CRB2: variants seen among roughly 807,000 people sequenced by gnomAD.
The protein encoded by CRB2 is protein crumbs homolog 2.
A neutral mutation model predicts 110.9 loss-of-function variants in CRB2; 85 were observed. The observed-to-expected ratio is 0.77, with a 90% CI of 0.64 to 0.92. The LOEUF (loss-of-function observed/expected upper bound fraction) is 0.92. CRB2 is among the 40% of genes least tolerant of loss of function. CRB2 has a pLI of 0.00. For synonymous variants in CRB2, 907 were observed against 831.0 expected (o/e 1.09, Z -1.57); for missense variants, 1,843 against 1,851.3 (o/e 1.00, Z 0.08).
At chr9:123,374,770 G>C in intron 11 of CRB2, 75 bp downstream of exon 11, 1 of 1,053,356 alleles carries the variant, frequency 9.5e-7, no homozygotes, top group South Asian at 1.4e-5. Flanking sequence ...AGGGTGGGGC[G>C]GGGGTCCTCG....
At chr9:123,359,441 G>GTTTTTTGTTTTTTTTTTTTTTTTTTTT (rs2041838378) in intron 1 of CRB2, among the ~76,000 whole-genome samples, 1 of 94,442 alleles carries the variant, frequency 1.1e-5, no homozygotes, top group Admixed American at 1.1e-4. Flanking sequence ...TTTTTGTTTT[G>GTTTTTTGTTTTTTTTTTTTTTTTTTTT]TTTTTTTTTT....
chr9:123,379,164 G>C (rs2042161308), downstream of CRB2, among the ~76,000 whole-genome samples: 1 of 151,980 alleles, frequency 6.6e-6, no homozygotes, highest in African/African-American at 2.4e-5. Flanking sequence ...GGCATGGTCA[G>C]ATGATGGGCG....
At chr9:123,358,643 C>G (rs1232250096) in intron 1 of CRB2, among the ~76,000 whole-genome samples, 7 of 152,232 alleles carry the variant, frequency 4.6e-5, no homozygotes, top group Admixed American at 6.5e-5. Context: ...ATGAAGTCAG[C>G]TCTGATACCC....
intron 8 of CRB2, 33 bp downstream of exon 8, chr9:123,371,611 T>C: frequency 2.5e-6 from 4 of 1,607,264 alleles, no homozygotes; most frequent in Non-Finnish European, 3.4e-6. Context: ...GGTGGTGGGG[T>C]GGGGAGTCCT....
intron 1 of CRB2, among the ~76,000 whole-genome samples, chr9:123,362,460 G>C (rs1405922945): frequency 6.6e-6 from 1 of 152,174 alleles, no homozygotes; most frequent in African/African-American, 2.4e-5. Flanking sequence ...AAGTGGACAG[G>C]GCTGGGCAGG....
downstream of CRB2, among the ~76,000 whole-genome samples, chr9:123,379,116 C>T (rs979439232): frequency 5.3e-5 from 3 of 56,104 alleles, no homozygotes; most frequent in Non-Finnish European, 8.5e-5. Flanking sequence ...GCGTGCCTGT[C>T]GTTTTCAGCC....
intron 1 of CRB2, among the ~76,000 whole-genome samples, chr9:123,359,441 GTTTTTTTTTTT>G (rs375773781): frequency 1.1e-5 from 1 of 94,442 alleles, no homozygotes; most frequent in Non-Finnish European, 1.9e-5. Flanking sequence ...TTTTTGTTTT[GTTTTTTTTTTT>G]TTTTTTTTTT....
chr9:123,372,063 T>G, intron 8 of CRB2, 114 bp from the exon 9 acceptor site: 1 of 1,030,224 alleles, frequency 9.7e-7, no homozygotes, highest in Non-Finnish European at 1.4e-6. Context: ...CCCTCGTTTG[T>G]GAGGAGATAC....
chr9:123,374,791 C>T (rs1202595279), intron 11 of CRB2, 96 bp downstream of exon 11: 5 of 769,362 alleles, frequency 6.5e-6, no homozygotes, highest in Admixed American at 4.7e-5. Context: ...CCCACCTTCT[C>T]ACCCCTCCCT....
upstream of CRB2, among the ~76,000 whole-genome samples, chr9:123,354,068 G>T (rs377445735): frequency 6.6e-6 from 1 of 152,182 alleles, no homozygotes; most frequent in East Asian, 1.9e-4. Context: ...TCCAGATCCG[G>T]ACCAGGGAGC....
rs1554781933 is a variant in CRB2 at position 123,361,142 on chromosome 9, G to GGGGGC, written c.95-1719_95-1718insCGGGG. Among the ~76,000 whole-genome samples the GGGGGC allele has an allele frequency of 7.4e-4, 111 of 150,496 alleles. 2 individuals are homozygous for GGGGGC. Among genetic ancestry groups the GGGGGC allele is most frequent in the East Asian group, 4.1e-3 (21 of 5,082 alleles). The stretch of plus-strand genomic sequence containing the variant: ...TTCAGATTGGATGGGCGGGGAGGGG[G>GGGGGC]GGGGGTTCCTTGCACTGCACAGGTG... On this transcript the variant is annotated intron_variant, in intron 1 of 12. Coordinates refer to ENST00000373631, the MANE Select transcript of CRB2 (RefSeq NM_173689.7).
chr9:123,367,432 C>CCCCCCA (rs2041951559), intron 5 of CRB2, 75 bp downstream of exon 5: 1 of 854,710 alleles, frequency 1.2e-6, no homozygotes, highest in Admixed American at 4.7e-5. Flanking sequence ...CCCCCCCACC[C>CCCCCCA]CCCCCACCCC....
In CRB2 at chr9:123,374,614, TCAC is replaced by T. The variant is rs1442251817; in HGVS notation, c.3427_3429del (p.Thr1143del). 2 of 1,613,470 alleles carry T rather than the reference TCAC, an allele frequency of 1.2e-6. No individual in the cohort carries two copies. Among genetic ancestry groups the T allele is most frequent in the South Asian group, 1.1e-5 (1 of 91,080 alleles). On this transcript the variant is annotated inframe_deletion, in exon 11 of 13. Coordinates refer to ENST00000373631, the MANE Select transcript of CRB2 (RefSeq NM_173689.7). ...CCATCCAAGGAGTGCAGCCTGAATG[TCAC>T]CTGCCTCGATGGCAGCCCATGTGAG... is the stretch of plus-strand genomic sequence containing the variant.
At chr9:123,362,147 C>A (rs1275272984) in intron 1 of CRB2, among the ~76,000 whole-genome samples, 2 of 152,116 alleles carry the variant, frequency 1.3e-5, no homozygotes, top group African/African-American at 4.8e-5. Flanking sequence ...CAGTGGCTGG[C>A]AGGGGGTGGG....
rs1350759821 is a variant in CRB2, at chr9:123,373,528, G to A, written c.2997G>A (p.Pro999=). 2.7e-6 allele frequency: 4 copies of A among 1,484,454 alleles called. No individual in the cohort carries two copies. Among genetic ancestry groups the A allele is most frequent in the Non-Finnish European group, 2.7e-6 (3 of 1,124,294 alleles). 92.0% of individuals were successfully genotyped at this position (1,484,454 alleles called of 1,614,324 possible). A position where few individuals can be genotyped will look rare whatever the true frequency, so the allele number is the denominator to read the frequency against. The part of the protein sequence containing the change: ...LASDLGFLQG[P]GAVRILLAEN... The stretch of plus-strand genomic sequence containing the variant: ...GTGACCTGGGCTTCCTGCAGGGCCC[G>A]GGTGCTGTGCGCATCCTGCTGGCTG... Residue 999 remains proline (P), a synonymous_variant, in exon 10 of 13, where the codon CCG becomes CCA. Coordinates refer to ENST00000373631, the MANE Select transcript of CRB2 (RefSeq NM_173689.7).
chr9:123,372,253 C>T lies in CRB2; in HGVS notation c.2513C>T (p.Thr838Met), dbSNP rs367737832. The T allele has an allele frequency of 1.7e-5, 28 of 1,613,930 alleles. No homozygotes were observed. The highest frequency in any genetic ancestry group is 3.3e-5 in the South Asian group (3 of 91,080). ...DFHCTCPANF[T>M]GPTCAQQLWC... ...CACTGTACCTGCCCTGCCAATTTCA[C>T]GGGGCCTACGTGTGCCCAGCAGCTG... Residue 838 changes from threonine to methionine, a missense_variant, in exon 9 of 13, where the codon ACG (threonine) becomes ATG (methionine). Physicochemically the swap from Thr to Met is moderately conservative, Grantham distance 81. Transcript: ENST00000373631.
chr9:123,363,552 T>C (rs970967389), intron 2 of CRB2, among the ~76,000 whole-genome samples: 1 of 152,114 alleles, frequency 6.6e-6, no homozygotes, highest in Admixed American at 6.5e-5. Flanking sequence ...TTCTAGCACT[T>C]CAGGCCTGTG....
intron 8 of CRB2, 39 bp from the exon 9 acceptor site, chr9:123,372,138 T>G: frequency 6.2e-7 from 1 of 1,605,320 alleles, no homozygotes; most frequent in South Asian, 1.1e-5. Flanking sequence ...TGATGCTCAC[T>G]GCAGTCCTGA....
At chr9:123,373,011 T>C (rs2042038407) in intron 9 of CRB2, 123 bp from the exon 10 acceptor site, 2 of 736,836 alleles carry the variant, frequency 2.7e-6, no homozygotes, top group Non-Finnish European at 4.1e-6. Context: ...GATTAGATGA[T>C]AGGTGGGTGC....
Sources: gnomAD v4.1 joint callset for allele counts (sites outside exome capture counted in the v4.1 genomes callset) on GRCh38, gnomAD v4.1.1 for gene constraint, MANE v1.5 for transcripts, NCBI Gene and HGNC (gene_info 2026-07-23, HGNC 2026-07-21) for gene names.